DIAPH1: variants seen among roughly 807,000 people sequenced by gnomAD.
The protein encoded by DIAPH1 is diaphanous related formin 1, also known as protein diaphanous homolog 1.
Under a neutral mutation model 140.7 loss-of-function variants are expected in DIAPH1, and 46 were observed. That is an observed-to-expected ratio of 0.33 (90% CI 0.26 to 0.42). The LOEUF (loss-of-function observed/expected upper bound fraction) is 0.42. Ranked by LOEUF, DIAPH1 falls within the 10% of genes least tolerant of loss-of-function variation. The pLI, the probability that DIAPH1 is intolerant of heterozygous loss-of-function variation, is 1.00. For missense variants in DIAPH1, 1,310 were observed against 1,558.7 expected (o/e 0.84, Z 2.69); for synonymous variants, 565 against 551.6 (o/e 1.02, Z -0.34).
intron 20 of DIAPH1, 117 bp downstream of exon 20, chr5:141,529,486 A>G: frequency 9.5e-7 from 1 of 1,052,616 alleles, no homozygotes; most frequent in Non-Finnish European, 1.5e-6. Flanking sequence ...AGTTTCTCAA[A>G]GCCAGCATTC....
intron 27 of DIAPH1, among the ~76,000 whole-genome samples, chr5:141,517,678 G>A (rs905468421): frequency 2.0e-5 from 3 of 151,804 alleles, no homozygotes; most frequent in Non-Finnish European, 4.4e-5. Context: ...GTGGCATGGC[G>A]GGGGGGAGGT....
intron 1 of DIAPH1, among the ~76,000 whole-genome samples, chr5:141,593,744 C>T (rs2099898857): frequency 6.6e-6 from 1 of 152,238 alleles, no homozygotes; most frequent in African/African-American, 2.4e-5. Context: ...GATACCACTA[C>T]ATACCTACTA....
intron 21 of DIAPH1, 100 bp downstream of exon 21, chr5:141,529,072 A>G (rs1352332533): frequency 6.4e-7 from 1 of 1,568,740 alleles, no homozygotes; most frequent in Non-Finnish European, 8.8e-7. Context: ...GACAGGTTCA[A>G]AAACAGACAA....
chr5:141,615,222 T>A lies in DIAPH1; in HGVS notation c.117+3576A>T, dbSNP rs145401430. The stretch of plus-strand genomic sequence containing the variant: ...AGGCTGAGGCTGGCGGATCACGAGG[T>A]CAGGAATTTAAGACCAGCCTGGCCA... On this transcript the variant is annotated intron_variant, in intron 1 of 27. Transcript: ENST00000389054. Among the ~76,000 whole-genome samples, 1,147 of 149,824 alleles carry A rather than the reference T, an allele frequency of 7.7e-3. 19 individuals carry two copies. Among genetic ancestry groups the A allele is most frequent in the African/African-American group, 0.027 (1,089 of 40,686 alleles).
intron 18 of DIAPH1, among the ~76,000 whole-genome samples, chr5:141,550,083 G>A (rs1320249839): frequency 1.3e-5 from 2 of 151,896 alleles, no homozygotes; most frequent in African/African-American, 4.8e-5. Flanking sequence ...CACATCAGAC[G>A]AAAATAGTCT....
chr5:141,539,418 G>GTTT (rs57490035), intron 18 of DIAPH1, among the ~76,000 whole-genome samples: 4 of 132,546 alleles, frequency 3.0e-5, no homozygotes, highest in African/African-American at 8.2e-5. Flanking sequence ...GGGTAGTTTT[G>GTTT]TTTTTTTTTT....
chr5:141,574,852 C>G, intron 15 of DIAPH1, 115 bp downstream of exon 15: 1 of 1,125,678 alleles, frequency 8.9e-7, no homozygotes, highest in South Asian at 1.3e-5. Flanking sequence ...CACCATGTAA[C>G]TAGATTACCT....
Position 141,516,035 on chromosome 5 carries a change from C to T in DIAPH1, c.*816G>A, listed in dbSNP as rs1159603200. 4 of 152,816 alleles carry T rather than the reference C, an allele frequency of 2.6e-5. No homozygotes were observed. The highest frequency in any genetic ancestry group is 9.7e-5 in the African/African-American group (4 of 41,448). 9.5% of individuals were successfully genotyped at this position (152,816 alleles called of 1,614,324 possible). On this transcript the variant is annotated 3_prime_UTR_variant, in exon 28 of 28. Coordinates refer to ENST00000389054, the MANE Select transcript of DIAPH1 (RefSeq NM_005219.5). The stretch of plus-strand genomic sequence containing the variant: ...GTGTTGGGATGGTCACAGTACAACC[C>T]ATAGTCCAGATGAGATGCACCAAAG...
At chr5:141,564,932 C>T (rs746895849) in intron 18 of DIAPH1, 6 of 152,110 alleles carry the variant, frequency 3.9e-5, no homozygotes, top group Non-Finnish European at 7.4e-5. Flanking sequence ...TAGACATTAC[C>T]ATAAATATTT....
At position 141,573,383 on chromosome 5, in the gene DIAPH1, C is replaced by T. The variant is rs1421317396; in HGVS notation, c.2358+109G>A. Reference sequence around the variant, plus strand: ...CCGGGAGGCGGAGCTTGCAGTGAGCCGAGATCGCACCACTGCACTCCAGCC... The same window carrying T: ...CCGGGAGGCGGAGCTTGCAGTGAGCTGAGATCGCACCACTGCACTCCAGCC... On this transcript the variant is annotated intron_variant, in intron 16 of 27. Transcript: ENST00000389054. The T allele has an allele frequency of 4.4e-6, 6 of 1,357,810 alleles. No homozygotes were observed. In the African/African-American group the frequency reaches 6.1e-5, roughly 14 times the overall value. 84.1% of individuals were successfully genotyped at this position (1,357,810 alleles called of 1,614,324 possible).
intron 18 of DIAPH1, among the ~76,000 whole-genome samples, chr5:141,538,722 C>T (rs535211860): frequency 6.0e-4 from 91 of 152,202 alleles, no homozygotes; most frequent in African/African-American, 2.0e-3. Context: ...CGTGAGCCAC[C>T]GTGCCCAGCC....
Position 141,574,175 on chromosome 5 carries a change from T to C in DIAPH1, c.1675A>G (p.Lys559Glu). 6.2e-7 allele frequency: 1 copy of C among 1,614,104 alleles called. No individual in the cohort carries two copies. The highest frequency in any genetic ancestry group is 8.5e-7 in the Non-Finnish European group (1 of 1,180,008). Residue 559 changes from lysine (K) to glutamate (E), a missense_variant, in exon 16 of 28, where the codon AAG becomes GAG. Physicochemically the swap from Lys to Glu is moderately conservative, Grantham distance 56. Coordinates refer to ENST00000389054, the MANE Select transcript of DIAPH1 (RefSeq NM_005219.5). ...GCAGAGAGGGAAGCCATTTCTTTCT[T>C]GGCATCTTCCAGTTCCTTTGTCAGC... ...AKLTKELEDA[K>E]KEMASLSAAA...
intron 1 of DIAPH1, among the ~76,000 whole-genome samples, chr5:141,595,461 T>C (rs2099899164): frequency 6.6e-6 from 1 of 152,184 alleles, no homozygotes; most frequent in South Asian, 2.1e-4. Flanking sequence ...GTAATCCCCA[T>C]AATCCCCATA....
At chr5:141,598,969 C>G (rs2099899737) in intron 1 of DIAPH1, among the ~76,000 whole-genome samples, 1 of 152,124 alleles carries the variant, frequency 6.6e-6, no homozygotes, top group South Asian at 2.1e-4. Context: ...ATTGTAAATT[C>G]AGGACACAAG....
At chr5:141,535,111 G>A (rs1414680028) in intron 18 of DIAPH1, among the ~76,000 whole-genome samples, 8 of 152,030 alleles carry the variant, frequency 5.3e-5, no homozygotes, top group Non-Finnish European at 8.8e-5. Context: ...CACCACGCCC[G>A]GCTAATTTTT....
At chr5:141,543,887 C>A (rs866872853) in intron 18 of DIAPH1, among the ~76,000 whole-genome samples, 1 of 152,064 alleles carries the variant, frequency 6.6e-6, no homozygotes, top group Non-Finnish European at 1.5e-5. Flanking sequence ...TGCATATAGA[C>A]AAGCATGCAT....
chr5:141,581,599 C>T (rs1020969372), intron 7 of DIAPH1, among the ~76,000 whole-genome samples: 21 of 152,150 alleles, frequency 1.4e-4, no homozygotes, highest in Admixed American at 9.8e-4. Context: ...GAGATTTGTC[C>T]TCAGAGGCAC....
chr5:141,522,870 C>T (rs1044441518), intron 27 of DIAPH1, among the ~76,000 whole-genome samples: 3 of 152,246 alleles, frequency 2.0e-5, no homozygotes, highest in East Asian at 1.9e-4. Context: ...AACTTTGACT[C>T]GGGAGCTTTC....
At chr5:141,592,432 C>T (rs948308758) in intron 1 of DIAPH1, among the ~76,000 whole-genome samples, 16 of 152,040 alleles carry the variant, frequency 1.1e-4, no homozygotes, top group African/African-American at 3.9e-4. Context: ...TTAATTGTAT[C>T]ATTAGTTGTG....
Sources: gnomAD v4.1 joint callset for allele counts (sites outside exome capture counted in the v4.1 genomes callset) on GRCh38, gnomAD v4.1.1 for gene constraint, MANE v1.5 for transcripts, NCBI Gene and HGNC (gene_info 2026-07-23, HGNC 2026-07-21) for gene names.